Variants in DRD3 observed in about 807,000 individuals in gnomAD.
DRD3 encodes dopamine receptor D3.
Under a neutral mutation model 36.3 loss-of-function variants are expected in DRD3, and 19 were observed. The observed-to-expected ratio is 0.52, with a 90% confidence interval of 0.36 to 0.77. The LOEUF is 0.77. DRD3 is among the 30% of genes least tolerant of loss of function. The pLI, the probability that DRD3 is intolerant of heterozygous loss-of-function variation, is 0.00. For missense variants in DRD3, 465 were observed against 505.3 expected, an observed-to-expected ratio of 0.92 and a Z score of 0.77; for synonymous variants, 195 against 203.7, an observed-to-expected ratio of 0.96 and a Z score of 0.36.
At chr3:114,186,549 A>C (rs1336221263) in intron 1 of DRD3, among the ~76,000 whole-genome samples, 3 of 152,260 alleles carry the variant, frequency 2.0e-5, no homozygotes, top group Non-Finnish European at 4.4e-5. Context: ...GCAATCAATT[A>C]TCAGACCATA....
chr3:114,168,027 C>T (rs1324837561), intron 2 of DRD3, among the ~76,000 whole-genome samples: 2 of 152,152 alleles, frequency 1.3e-5, no homozygotes, highest in Non-Finnish European at 2.9e-5. Flanking sequence ...TGGAACTGTG[C>T]CTGCAGCCCA....
intron 3 of DRD3, among the ~76,000 whole-genome samples, chr3:114,148,167 T>C (rs2077585350): frequency 6.6e-6 from 1 of 152,194 alleles, no homozygotes; most frequent in Admixed American, 6.5e-5. Context: ...GGAGAGCTTC[T>C]TTATCGGTTC....
chr3:114,182,215 C>G (rs1044223376), upstream of DRD3, among the ~76,000 whole-genome samples: 1 of 152,150 alleles, frequency 6.6e-6, no homozygotes, highest in Non-Finnish European at 1.5e-5. Flanking sequence ...CTGTTCCTCT[C>G]CAATGAGATC....
rs200587715 is a variant in DRD3, at chr3:114,171,954, G to A, written c.39C>T (p.Tyr13=). The A allele has an allele frequency of 6.4e-7, 1 of 1,550,984 alleles. No individual in the cohort carries two copies. The highest frequency in any genetic ancestry group is 8.7e-7 in the Non-Finnish European group (1 of 1,146,458). The change falls in exon 2 of 7, where the codon TAC becomes TAT. Residue 13 remains tyrosine, a synonymous_variant. Transcript: ENST00000383673. ...CTGTGGAGTTCTCTGCCCCACAGGT[G>A]TAGTTCAGGTGGCCACTCAGCTGGC... is the stretch of plus-strand genomic sequence containing the variant. ...SLSQLSGHLN[Y]TCGAENSTGA... is the part of the protein sequence containing the mutation.
chr3:114,141,833 C>CCT (rs1189189281), intron 4 of DRD3, among the ~76,000 whole-genome samples: 2 of 151,998 alleles, frequency 1.3e-5, no homozygotes, highest in Admixed American at 6.6e-5. Flanking sequence ...AGGTGGATCA[C>CCT]AAGGTCAGGA....
intron 5 of DRD3, among the ~76,000 whole-genome samples, chr3:114,137,579 A>T (rs927064829): frequency 2.0e-5 from 3 of 152,130 alleles, no homozygotes; most frequent in Non-Finnish European, 4.4e-5. Flanking sequence ...CAGGCTGGGC[A>T]CTTATGCCTG....
At chr3:114,156,715 G>GTCTTTCTTTCTTTCTTTCTTTCTT (rs1328717527) in intron 3 of DRD3, among the ~76,000 whole-genome samples, 13 of 80,284 alleles carry the variant, frequency 1.6e-4, no homozygotes, top group African/African-American at 6.6e-4. Flanking sequence ...TGGCTTGCCT[G>GTCTTTCTTTCTTTCTTTCTTTCTT]TCTTTCTTTC....
intron 4 of DRD3, among the ~76,000 whole-genome samples, chr3:114,141,776 G>A (rs1383332897): frequency 6.6e-6 from 1 of 152,150 alleles, no homozygotes; most frequent in South Asian, 2.1e-4. Flanking sequence ...TAGGGGCCAG[G>A]CATGGTGGCT....
chr3:114,193,851 A>G (rs2078023964), intron 1 of DRD3, among the ~76,000 whole-genome samples: 1 of 152,228 alleles, frequency 6.6e-6, no homozygotes, highest in Admixed American at 6.5e-5. Flanking sequence ...GCACACACAT[A>G]TAGTTTGCAA....
chr3:114,196,986 CT>C lies in DRD3; in HGVS notation c.-156+2286del, dbSNP rs541199651. 5.4e-3 allele frequency among the ~76,000 whole-genome samples: 776 copies of C among 142,832 alleles called. 8 individuals carry two copies. The highest frequency in any genetic ancestry group is 0.015 in the African/African-American group (586 of 39,152). 93.7% of individuals were successfully genotyped at this position (142,832 alleles called of 152,430 possible). A position where few individuals can be genotyped will look rare whatever the true frequency, so the allele number is the denominator to read the frequency against. Reference sequence around the variant, plus strand: ...TTTATTTTTATTTTTTTCTTTTTTTCTTTTTTTTTTATTATACTTTAAGTTT... The same window carrying C: ...TTTATTTTTATTTTTTTCTTTTTTTCTTTTTTTTTATTATACTTTAAGTTT... On this transcript the variant is annotated intron_variant, in intron 1 of 7. Coordinates refer to the DRD3 transcript ENST00000460779.
At chr3:114,172,498 C>T (rs1009141235) in intron 1 of DRD3, among the ~76,000 whole-genome samples, 5 of 152,128 alleles carry the variant, frequency 3.3e-5, no homozygotes, top group Non-Finnish European at 7.3e-5. Flanking sequence ...AGGGCTAGCA[C>T]ATAGAAGTCA....
intron 4 of DRD3, 109 bp from the exon 5 acceptor site, chr3:114,139,805 A>G (rs1017465886): frequency 3.1e-5 from 32 of 1,018,408 alleles, no homozygotes; most frequent in Non-Finnish European, 4.7e-5. Context: ...TCTGCTGCAC[A>G]GGGGGTGGGA....
At chr3:114,175,721 A>G (rs1037215271) in intron 1 of DRD3, among the ~76,000 whole-genome samples, 2 of 152,206 alleles carry the variant, frequency 1.3e-5, no homozygotes, top group African/African-American at 4.8e-5. Context: ...TTCAGAGTTG[A>G]GGGTTTCCCT....
At chr3:114,161,641 C>T (rs529753683) in intron 2 of DRD3, among the ~76,000 whole-genome samples, 1 of 152,038 alleles carries the variant, frequency 6.6e-6, no homozygotes, top group African/African-American at 2.4e-5. Context: ...TTAGTTTGAC[C>T]AATTGGCTCT....
intron 5 of DRD3, among the ~76,000 whole-genome samples, chr3:114,138,075 A>C (rs550671208): frequency 6.7e-6 from 1 of 149,384 alleles, no homozygotes; most frequent in East Asian, 2.0e-4. Flanking sequence ...AGGCAGAGGC[A>C]CGAGAATCGC....
intron 1 of DRD3, among the ~76,000 whole-genome samples, chr3:114,195,685 A>C (rs887375756): frequency 2.0e-5 from 3 of 152,216 alleles, no homozygotes; most frequent in African/African-American, 7.2e-5. Flanking sequence ...AGGGGTAGCC[A>C]GTATATTGCC....
chr3:114,194,601 G>C (rs75479423), intron 1 of DRD3, among the ~76,000 whole-genome samples: 5,537 of 152,246 alleles, frequency 0.036, 138 homozygotes, highest in Non-Finnish European at 0.046. Context: ...AATCCATTAA[G>C]CTTTCTGTCC....
chr3:114,130,250 C>A (rs111397422), intron 6 of DRD3, among the ~76,000 whole-genome samples: 1,880 of 151,984 alleles, frequency 0.012, 25 homozygotes, highest in African/African-American at 0.043. Flanking sequence ...CAGAGTCAGA[C>A]CATGTCTCAA....
intron 1 of DRD3, among the ~76,000 whole-genome samples, chr3:114,193,751 C>T (rs1384225520): frequency 6.6e-6 from 1 of 151,978 alleles, no homozygotes; most frequent in Non-Finnish European, 1.5e-5. Context: ...ACATTAAAGA[C>T]ATAGAGGAAT....
Sources: allele counts gnomAD v4.1 joint callset (sites outside exome capture counted in the v4.1 genomes callset), GRCh38; gene constraint gnomAD v4.1.1; transcripts MANE v1.5; gene names NCBI Gene and HGNC (gene_info 2026-07-23, HGNC 2026-07-21).